Variants in XRCC4 observed in about 807,000 individuals in gnomAD.
XRCC4 encodes the protein DNA repair protein XRCC4.
Under a neutral mutation model 39.1 loss-of-function variants are expected in XRCC4, and 28 were observed. That is an observed-to-expected ratio of 0.72 (90% CI 0.53 to 0.98). The LOEUF is 0.98. Among genes scored for constraint, XRCC4 ranks in the 50% least tolerant of loss-of-function variants. The pLI is 0.00. For missense variants in XRCC4, 350 were observed against 376.4 expected, an observed-to-expected ratio of 0.93 and a Z score of 0.58; for synonymous variants, 123 against 126.4, an observed-to-expected ratio of 0.97 and a Z score of 0.18.
Position 83,323,991 on chromosome 5 carries a change from T to C in XRCC4, c.894-29140T>C, listed in dbSNP as rs192597940. 7.4e-4 allele frequency among the ~76,000 whole-genome samples: 113 copies of C among 152,206 alleles called. 1 individual carries two copies. The South Asian group carries it at 9.9e-3, about 13-fold the overall frequency. On this transcript the variant is annotated intron_variant, in intron 7 of 7. Coordinates refer to ENST00000396027, the MANE Select transcript of XRCC4 (RefSeq NM_003401.5). The stretch of plus-strand genomic sequence containing the variant: ...TTATATCAGTTTCACTTCAGTTTTT[T>C]AGAGTTGCATAATTTGCCACAGTTT...
intron 2 of XRCC4, among the ~76,000 whole-genome samples, chr5:83,106,581 G>GA (rs746477007): frequency 8.6e-4 from 130 of 150,724 alleles, no homozygotes; most frequent in Non-Finnish European, 1.4e-3. Context: ...AGTATTGGGG[G>GA]AAAAAAGAAC....
At chr5:83,258,783 T>A in intron 7 of XRCC4, 106 bp downstream of exon 7, 3 of 1,270,962 alleles carry the variant, frequency 2.4e-6, no homozygotes, top group Non-Finnish European at 3.2e-6. Flanking sequence ...AAGTTATTTT[T>A]AAGAAAATGT....
intron 3 of XRCC4, among the ~76,000 whole-genome samples, chr5:83,123,447 A>C (rs1189948089): frequency 6.6e-6 from 1 of 151,768 alleles, no homozygotes; most frequent in East Asian, 1.9e-4. Flanking sequence ...TCTTTTAGGA[A>C]GTGTATAGTT....
intron 7 of XRCC4, among the ~76,000 whole-genome samples, chr5:83,333,065 C>A (rs1265195443): frequency 2.0e-5 from 3 of 151,842 alleles, no homozygotes; most frequent in African/African-American, 7.3e-5. Flanking sequence ...ACTCTTAGGA[C>A]AAATTAGCCA....
chr5:83,197,464 A>G (rs1039067095), intron 4 of XRCC4, among the ~76,000 whole-genome samples: 6 of 152,150 alleles, frequency 3.9e-5, no homozygotes, highest in Non-Finnish European at 8.8e-5. Flanking sequence ...TACTTGAACA[A>G]ATTGCTTTAA....
At chr5:83,360,480 T>G in the XRCC4 span, among the ~76,000 whole-genome samples, 1 of 152,190 alleles carries the variant, frequency 6.6e-6, no homozygotes, top group Non-Finnish European at 1.5e-5. Context: ...TACCAAAGAT[T>G]AAATGATTCT....
chr5:83,363,502 T>C, the XRCC4 span, among the ~76,000 whole-genome samples: 10 of 152,232 alleles, frequency 6.6e-5, no homozygotes, highest in African/African-American at 2.4e-4. Flanking sequence ...GCACTCAGAC[T>C]CTCCTATTTC....
At chr5:83,309,266 C>CAAAAAAAAAAAAAAAAAA (rs59326460) in intron 7 of XRCC4, among the ~76,000 whole-genome samples, 1 of 17,388 alleles carries the variant, frequency 5.8e-5, no homozygotes, top group Non-Finnish European at 1.3e-4. Context: ...GACTCCGTCT[C>CAAAAAAAAAAAAAAAAAA]AAAAAAAAAA....
chr5:83,156,708 T>C (rs1442879548), intron 3 of XRCC4, among the ~76,000 whole-genome samples: 4 of 152,120 alleles, frequency 2.6e-5, no homozygotes, highest in Admixed American at 2.6e-4. Flanking sequence ...GCAGAAAGCA[T>C]AAATTTGCAA....
At chr5:83,149,846 C>T (rs1748623041) in intron 3 of XRCC4, among the ~76,000 whole-genome samples, 1 of 152,030 alleles carries the variant, frequency 6.6e-6, no homozygotes, top group Non-Finnish European at 1.5e-5. Context: ...CAAAGTGGAC[C>T]ACCCACAGAG....
intron 6 of XRCC4, among the ~76,000 whole-genome samples, chr5:83,211,632 A>C (rs2112755881): frequency 6.6e-6 from 1 of 152,320 alleles, no homozygotes; most frequent in African/African-American, 2.4e-5. Context: ...CCCCTCCCCC[A>C]ACAAAAGAAA....
intron 3 of XRCC4, among the ~76,000 whole-genome samples, chr5:83,168,771 A>G (rs1293647115): frequency 6.6e-6 from 1 of 152,222 alleles, no homozygotes; most frequent in Non-Finnish European, 1.5e-5. Context: ...ATTAAAAGAA[A>G]GATTATGAAA....
chr5:83,104,287 AGT>A, intron 1 of XRCC4, among the ~76,000 whole-genome samples: 1 of 152,262 alleles, frequency 6.6e-6, no homozygotes, highest in South Asian at 2.1e-4. Context: ...CATTCCAGAC[AGT>A]GTCTCCAGAC....
chr5:83,354,820 A>T (rs924064767), downstream of XRCC4, among the ~76,000 whole-genome samples: 5 of 152,036 alleles, frequency 3.3e-5, no homozygotes, highest in African/African-American at 1.2e-4. Flanking sequence ...CAAAATACAA[A>T]TTGACTCTCC....
At chr5:83,183,993 T>A (rs1263091761) in intron 3 of XRCC4, among the ~76,000 whole-genome samples, 1 of 152,128 alleles carries the variant, frequency 6.6e-6, no homozygotes, top group African/African-American at 2.4e-5. Flanking sequence ...ATTACAAGTT[T>A]TTCAGGGGAA....
At chr5:83,306,898 G>T (rs527352077) in intron 7 of XRCC4, among the ~76,000 whole-genome samples, 3 of 152,188 alleles carry the variant, frequency 2.0e-5, no homozygotes, top group African/African-American at 4.8e-5. Flanking sequence ...GAAAGAAAAG[G>T]GGGGAACAGA....
chr5:83,287,541 A>G (rs1272696900), intron 7 of XRCC4, among the ~76,000 whole-genome samples: 2 of 152,026 alleles, frequency 1.3e-5, no homozygotes, highest in Non-Finnish European at 2.9e-5. Context: ...ATGGAGATGG[A>G]GAGAGGTATA....
At chr5:83,175,166 C>T (rs1749896733) in intron 3 of XRCC4, among the ~76,000 whole-genome samples, 1 of 152,146 alleles carries the variant, frequency 6.6e-6, no homozygotes, top group Admixed American at 6.5e-5. Flanking sequence ...TTAACTCCCT[C>T]CTGAAACTTC....
chr5:83,327,463 T>A (rs1296299338), intron 7 of XRCC4, among the ~76,000 whole-genome samples: 1 of 151,304 alleles, frequency 6.6e-6, no homozygotes, highest in African/African-American at 2.4e-5. Flanking sequence ...TCACTAGTAA[T>A]AATTTCATTA....
Sources: allele counts gnomAD v4.1 joint callset (sites outside exome capture counted in the v4.1 genomes callset), GRCh38; gene constraint gnomAD v4.1.1; transcripts MANE v1.5; gene names NCBI Gene and HGNC (gene_info 2026-07-23, HGNC 2026-07-21).